A2ML1: variants seen among roughly 807,000 people sequenced by gnomAD.
The protein encoded by A2ML1 is alpha-2-macroglobulin like 1.
In A2ML1, 161 loss-of-function variants were observed where a neutral mutation model predicts 181.9. The ratio of observed to expected loss-of-function variants is 0.89; its 90% CI spans 0.78 to 1.01. The LOEUF (loss-of-function observed/expected upper bound fraction) is 1.01, where lower values mean the gene tolerates loss of function less well. Among genes scored for constraint, A2ML1 ranks in the 50% least tolerant of loss-of-function variants. The pLI is 0.00. For synonymous variants in A2ML1, 663 were observed against 666.8 expected (o/e 0.99, Z 0.09); for missense variants, 1,670 against 1,768.1 (o/e 0.94, Z 1.00).
Position 8,846,291 on chromosome 12 carries a change from T to C in A2ML1, c.1683+69T>C, listed in dbSNP as rs1592129288. 2.5e-5 allele frequency: 40 copies of C among 1,578,306 alleles called. No individual in the cohort carries two copies. The East Asian group carries it at 8.5e-4, about 34-fold the overall frequency. ...GAGAAAGATCTTGTGTGTGCTGCGG[T>C]TGGAAACAAGACAAGTCAGGGAAAG... On this transcript the variant is annotated intron_variant, in intron 14 of 35. Transcript: ENST00000299698.
In A2ML1 at chr12:8,863,984, A is replaced by G; in HGVS notation, c.3693A>G (p.Ala1231=). 6.2e-7 allele frequency: 1 copy of G among 1,612,580 alleles called. No homozygotes were observed. ...CTTGGTTGGCCAAGCAACACAATGC[A>G]TATGGGGGCTTCTCTTCTACTCAGG... ...IVAWLAKQHN[A]YGGFSSTQDT... Residue 1231 remains alanine, a synonymous_variant, in exon 29 of 36, where the codon GCA becomes GCG. Coordinates refer to ENST00000299698, the MANE Select transcript of A2ML1 (RefSeq NM_144670.6).
At chr12:8,863,718 A>T in intron 28 of A2ML1, 76 bp from the exon 29 acceptor site, 1 of 1,445,586 alleles carries the variant, frequency 6.9e-7, no homozygotes, top group Non-Finnish European at 9.6e-7. Context: ...CTGCTCTAAG[A>T]TGCTGCATTT....
At chr12:8,857,893 AC>A in intron 25 of A2ML1, 52 bp from the exon 26 acceptor site, 1 of 1,594,198 alleles carries the variant, frequency 6.3e-7, no homozygotes, top group South Asian at 1.1e-5. Flanking sequence ...AAATGATTGC[AC>A]CCTCACCTGG....
chr12:8,849,736 C>T lies in A2ML1; in HGVS notation c.2096C>T (p.Pro699Leu), dbSNP rs774201373. The part of the protein sequence containing the change: ...KKPVDCSHRS[P>L]EYSTAMGAGG... ...CCAGTAGATTGCAGTCACAGATCTC[C>T]AGAATACAGCACTGCTATGGGTGGT... Residue 699 changes from proline to leucine, a missense_variant, in exon 17 of 36, where the codon CCA becomes CTA. Transcript: ENST00000299698. 8.7e-6 allele frequency: 14 copies of T among 1,614,168 alleles called. No homozygotes were observed. The highest frequency in any genetic ancestry group is 1.2e-5 in the Non-Finnish European group (14 of 1,180,028).
intron 11 of A2ML1, among the ~76,000 whole-genome samples, chr12:8,842,420 T>G (rs183750786): frequency 6.6e-6 from 1 of 151,942 alleles, no homozygotes; most frequent in Non-Finnish European, 1.5e-5. Flanking sequence ...GGGGTTTCAC[T>G]GTGTTAGCCA....
intron 29 of A2ML1, among the ~76,000 whole-genome samples, chr12:8,866,042 G>A (rs1302955030): frequency 6.6e-6 from 1 of 152,228 alleles, no homozygotes; most frequent in East Asian, 1.9e-4. Flanking sequence ...TTTAGGCCAG[G>A]TGTGGTGGCT....
chr12:8,844,015 C>T (rs775167276), intron 12 of A2ML1, among the ~76,000 whole-genome samples: 5 of 152,086 alleles, frequency 3.3e-5, no homozygotes, highest in Admixed American at 1.3e-4. Context: ...CCACCGCGCC[C>T]GGCCTCAAGT....
intron 3 of A2ML1, 130 bp downstream of exon 3, chr12:8,824,012 G>A (rs1942839252): frequency 1.9e-6 from 2 of 1,029,992 alleles, no homozygotes; most frequent in Non-Finnish European, 2.7e-6. Context: ...AAATCTGGGG[G>A]GATTAAGTAG....
chr12:8,857,374 C>T, intron 24 of A2ML1, 34 bp downstream of exon 24: 1 of 1,609,186 alleles, frequency 6.2e-7, no homozygotes, highest in East Asian at 2.2e-5. Context: ...CTTGAACACT[C>T]TCCTCCACTA....
rs1565483170 is a variant in A2ML1, at chr12:8,854,762, T to A, written c.2713-18T>A. 1 of 1,614,084 alleles carries A rather than the reference T, an allele frequency of 6.2e-7. No individual in the cohort carries two copies. Among genetic ancestry groups the A allele is most frequent in the Non-Finnish European group, 8.5e-7 (1 of 1,179,968 alleles). ...TGTTCATCTTTGTTGTTTTTATCTG[T>A]GTCTCTCTTCATCGCAGCCTGAGGG... is the stretch of plus-strand genomic sequence containing the variant. On this transcript the variant is annotated intron_variant, in intron 21 of 35. Coordinates refer to ENST00000299698, the MANE Select transcript of A2ML1 (RefSeq NM_144670.6).
In A2ML1 at chr12:8,861,164, T is replaced by C; in HGVS notation, c.3369T>C (p.Cys1123=). 1 of 1,614,176 alleles carries C rather than the reference T, an allele frequency of 6.2e-7. No individual in the cohort carries two copies. The highest frequency in any genetic ancestry group is 8.5e-7 in the Non-Finnish European group (1 of 1,180,050). The part of the protein sequence containing the change: ...DDPMVSQGLR[C]LKNSATSTTN... ...CAATGGTGAGTCAGGGTCTACGGTG[T>C]CTCAAGAATTCGGCCACCTCCACGA... The change falls in exon 28 of 36, where the codon TGT becomes TGC. Residue 1123 remains cysteine, a synonymous_variant. Coordinates refer to ENST00000299698, the MANE Select transcript of A2ML1 (RefSeq NM_144670.6).
chr12:8,839,385 G>A (rs1952290473), intron 10 of A2ML1, among the ~76,000 whole-genome samples, 163 bp downstream of exon 10: 1 of 152,064 alleles, frequency 6.6e-6, no homozygotes, highest in Non-Finnish European at 1.5e-5. Context: ...CACTGTATTG[G>A]CCCCATTTTA....
chr12:8,846,576 T>C (rs1838726769), intron 14 of A2ML1, among the ~76,000 whole-genome samples: 1 of 151,988 alleles, frequency 6.6e-6, no homozygotes, highest in African/African-American at 2.4e-5. Flanking sequence ...GTGCAGCACT[T>C]TGGGAGGCCG....
In A2ML1 at chr12:8,852,385, C is replaced by G. The variant is rs376002932; in HGVS notation, c.2590+49C>G. 4.3e-6 allele frequency: 7 copies of G among 1,609,332 alleles called. No individual in the cohort carries two copies. In the African/African-American group the frequency reaches 8.0e-5, roughly 18 times the overall value. ...GGCGAGGAAAGCCAGCAGCAGAAGA[C>G]CAGTGACTGAGCACTCAGTCTTTTC... On this transcript the variant is annotated intron_variant, in intron 20 of 35. Transcript: ENST00000299698. This position sits in a 1 kb window ranked among gnomAD's most constrained non-coding sequence, Gnocchi z 4.2.
intron 4 of A2ML1, among the ~76,000 whole-genome samples, chr12:8,831,155 C>T (rs1227610036): frequency 6.6e-6 from 1 of 152,010 alleles, no homozygotes; most frequent in African/African-American, 2.4e-5. Context: ...GGGCGGGGGT[C>T]TCACCTTGTT....
intron 14 of A2ML1, 46 bp downstream of exon 14, chr12:8,846,268 G>A (rs776096148): frequency 6.2e-7 from 1 of 1,609,986 alleles, no homozygotes; most frequent in Non-Finnish European, 8.5e-7. Flanking sequence ...TGGGCATAGA[G>A]AAAGATCTTG....
intron 33 of A2ML1, among the ~76,000 whole-genome samples, chr12:8,870,244 T>C (rs966804213): frequency 3.3e-5 from 5 of 152,046 alleles, no homozygotes; most frequent in African/African-American, 1.2e-4. Context: ...GGGTTTTTTA[T>C]GTTGTGTGAG....
In A2ML1 at chr12:8,843,212, C is replaced by A. The variant is rs550751327; in HGVS notation, c.1327C>A (p.Arg443=). ...RYYQNAYLHL[R]PFYSTTRSFL... is the part of the protein sequence containing the mutation. ...CTACCAAAATGCCTACCTGCACCTG[C>A]GACCCTTCTACAGCACAACCCGCAG... Residue 443 remains arginine (R), a synonymous_variant, in exon 12 of 36, where the codon CGA becomes AGA. Transcript: ENST00000299698. 3.1e-6 allele frequency: 5 copies of A among 1,614,200 alleles called. No individual in the cohort carries two copies. Among genetic ancestry groups the A allele is most frequent in the Non-Finnish European group, 3.4e-6 (4 of 1,180,050 alleles).
chr12:8,838,995 G>T, intron 9 of A2ML1, 118 bp from the exon 10 acceptor site: 3 of 610,188 alleles, frequency 4.9e-6, no homozygotes, highest in Non-Finnish European at 5.5e-6. Flanking sequence ...TTGGATCTTT[G>T]GCCAGAAATA....
Sources: gnomAD v4.1 joint callset for allele counts (sites outside exome capture counted in the v4.1 genomes callset) on GRCh38, gnomAD v4.1.1 for gene constraint, Gnocchi (gnomAD v3.1) non-coding constraint, MANE v1.5 for transcripts, NCBI Gene and HGNC (gene_info 2026-07-23, HGNC 2026-07-21) for gene names.